Variants in STARD3NL observed in about 807,000 individuals in gnomAD.
The protein encoded by STARD3NL is STARD3 N-terminal like.
Under a neutral mutation model 30.9 loss-of-function variants are expected in STARD3NL, and 17 were observed. The ratio of observed to expected loss-of-function variants is 0.55; its 90% CI spans 0.38 to 0.82. The LOEUF (loss-of-function observed/expected upper bound fraction) is 0.82. STARD3NL is among the 40% of genes least tolerant of loss of function. The pLI, the probability that STARD3NL is intolerant of heterozygous loss-of-function variation, is 0.00. For missense variants in STARD3NL, 234 were observed against 277.6 expected, an observed-to-expected ratio of 0.84 and a Z score of 1.12; for synonymous variants, 112 against 100.5, an observed-to-expected ratio of 1.11 and a Z score of -0.69.
chr7:38,219,179 T>G (rs1370284893), intron 6 of STARD3NL, among the ~76,000 whole-genome samples: 1 of 152,150 alleles, frequency 6.6e-6, no homozygotes, highest in Non-Finnish European at 1.5e-5. Flanking sequence ...CCCCAGTAGC[T>G]GGGACTACAG....
intron 4 of STARD3NL, chr7:38,215,717 T>C (rs1786068899): frequency 1.3e-5 from 2 of 152,424 alleles, no homozygotes; most frequent in African/African-American, 4.8e-5. Flanking sequence ...AATATTTGCC[T>C]TTTGTAAAGC....
At chr7:38,197,814 C>T (rs1248925844) in intron 1 of STARD3NL, among the ~76,000 whole-genome samples, 4 of 152,188 alleles carry the variant, frequency 2.6e-5, no homozygotes, top group South Asian at 2.1e-4. Context: ...TTTTTTCAGG[C>T]CTCTTTCTCA....
chr7:38,214,480 A>C, intron 3 of STARD3NL, 46 bp downstream of exon 3: 1 of 1,260,108 alleles, frequency 7.9e-7, no homozygotes, highest in Non-Finnish European at 1.1e-6. Context: ...AAACTGACCC[A>C]AAAGGCAGAT....
At chr7:38,184,503 C>T (rs910200095) in intron 1 of STARD3NL, among the ~76,000 whole-genome samples, 2 of 151,326 alleles carry the variant, frequency 1.3e-5, no homozygotes, top group South Asian at 4.2e-4. Flanking sequence ...AGAGCGGGAG[C>T]AAGAGAGAGA....
At chr7:38,196,008 T>A (rs142338269) in intron 1 of STARD3NL, among the ~76,000 whole-genome samples, 1 of 152,212 alleles carries the variant, frequency 6.6e-6, no homozygotes, top group Non-Finnish European at 1.5e-5. Flanking sequence ...TGCAAGTGGC[T>A]TTGCCTTGCA....
chr7:38,221,532 G>C (rs1786462517), intron 7 of STARD3NL, among the ~76,000 whole-genome samples: 1 of 152,220 alleles, frequency 6.6e-6, no homozygotes, highest in South Asian at 2.1e-4. Context: ...ATGTGGCACA[G>C]AGAAGTGAAG....
chr7:38,225,038 A>G (rs1786676558), intron 7 of STARD3NL, among the ~76,000 whole-genome samples: 1 of 152,240 alleles, frequency 6.6e-6, no homozygotes, highest in South Asian at 2.1e-4. Flanking sequence ...TTTTGATCAT[A>G]TCCCGGCTAG....
chr7:38,207,520 G>A lies in STARD3NL; in HGVS notation c.16G>A (p.Glu6Lys). The A allele has an allele frequency of 6.2e-7, 1 of 1,613,952 alleles. No individual in the cohort carries two copies. The highest frequency in any genetic ancestry group is 8.5e-7 in the Non-Finnish European group (1 of 1,179,928). MNHLPEDMENALTGSQ... is the reference protein window; with the variant it reads MNHLPKDMENALTGSQ... ...CTCCTCCAGGATGAACCACCTGCCA[G>A]AAGACATGGAGAACGCTCTCACCGG... The change falls in exon 2 of 9, where the codon GAA becomes AAA. Residue 6 changes from glutamate (E) to lysine (K), a missense_variant. Glu to Lys is a moderately conservative substitution (Grantham distance 56). Coordinates refer to ENST00000009041, the MANE Select transcript of STARD3NL (RefSeq NM_032016.4).
At chr7:38,188,708 GT>G (rs1784562247) in intron 1 of STARD3NL, among the ~76,000 whole-genome samples, 1 of 152,118 alleles carries the variant, frequency 6.6e-6, no homozygotes, top group South Asian at 2.1e-4. Flanking sequence ...TATATTTTAG[GT>G]TTGTCTCGTA....
At chr7:38,216,834 A>C in intron 4 of STARD3NL, 191 bp from the exon 5 acceptor site, 1 of 603,876 alleles carries the variant, frequency 1.7e-6, no homozygotes, top group Non-Finnish European at 3.0e-6. Context: ...ATTGTGTCAC[A>C]TGTAGAAGCC....
intron 7 of STARD3NL, among the ~76,000 whole-genome samples, chr7:38,223,279 T>G (rs1786571211): frequency 6.6e-6 from 1 of 152,206 alleles, no homozygotes; most frequent in Admixed American, 6.5e-5. Flanking sequence ...ATAAAAATAG[T>G]TTGTTTGCAG....
At chr7:38,199,277 G>A (rs896156041) in intron 1 of STARD3NL, among the ~76,000 whole-genome samples, 6 of 152,042 alleles carry the variant, frequency 3.9e-5, no homozygotes, top group Admixed American at 1.3e-4. Context: ...TCAGTACCCC[G>A]GATTGAATAT....
At chr7:38,217,915 T>G (rs1786218492) in intron 6 of STARD3NL, among the ~76,000 whole-genome samples, 1 of 152,130 alleles carries the variant, frequency 6.6e-6, no homozygotes, top group African/African-American at 2.4e-5. Flanking sequence ...CCTTTCACCA[T>G]CCTCTGAGTA....
intron 1 of STARD3NL, among the ~76,000 whole-genome samples, chr7:38,190,372 G>T (rs923046124): frequency 6.6e-6 from 1 of 152,126 alleles, no homozygotes. Context: ...GATAAGGTTG[G>T]GGAGGGGGAT....
intron 1 of STARD3NL, among the ~76,000 whole-genome samples, chr7:38,187,401 C>G (rs767308053): frequency 6.6e-6 from 1 of 152,170 alleles, no homozygotes; most frequent in Admixed American, 6.5e-5. Flanking sequence ...TTTTTTCCCT[C>G]TCTTCAGTCA....
chr7:38,206,453 C>T (rs1441958311), intron 1 of STARD3NL, among the ~76,000 whole-genome samples: 4 of 152,174 alleles, frequency 2.6e-5, no homozygotes, highest in Non-Finnish European at 5.9e-5. Flanking sequence ...ATACCATCCA[C>T]CACACTTCGT....
At chr7:38,195,207 T>C (rs1784850599) in intron 1 of STARD3NL, among the ~76,000 whole-genome samples, 1 of 152,052 alleles carries the variant, frequency 6.6e-6, no homozygotes, top group African/African-American at 2.4e-5. Context: ...CAGGCGCACG[T>C]CACCATGCTT....
intron 1 of STARD3NL, among the ~76,000 whole-genome samples, chr7:38,204,571 A>C (rs2116203382): frequency 6.6e-6 from 1 of 152,290 alleles, no homozygotes; most frequent in South Asian, 2.1e-4. Context: ...TCACAATTAA[A>C]AGAACTAGAG....
intron 8 of STARD3NL, among the ~76,000 whole-genome samples, chr7:38,229,511 T>A (rs1786977327): frequency 6.6e-6 from 1 of 152,202 alleles, no homozygotes; most frequent in Non-Finnish European, 1.5e-5. Context: ...AGAAGGCAAT[T>A]GAAGTAAATT....
Sources: allele counts gnomAD v4.1 joint callset (sites outside exome capture counted in the v4.1 genomes callset), GRCh38; gene constraint gnomAD v4.1.1; transcripts MANE v1.5; gene names NCBI Gene and HGNC (gene_info 2026-07-23, HGNC 2026-07-21).